The following RPTOR variants were observed in gnomAD, a reference collection of about 807,000 sequenced individuals.
The protein encoded by RPTOR is regulatory associated protein of MTOR complex 1, also known as regulatory-associated protein of mTOR.
In RPTOR, 21 loss-of-function variants were observed where a neutral mutation model predicts 169.9. The ratio of observed to expected loss-of-function variants is 0.12; its 90% confidence interval spans 0.09 to 0.18. The LOEUF is 0.18. RPTOR is among the 10% of genes least tolerant of loss of function. The pLI, the probability that RPTOR is intolerant of heterozygous loss-of-function variation, is 1.00. For synonymous variants in RPTOR, 732 were observed against 753.2 expected, an observed-to-expected ratio of 0.97 and a Z score of 0.46; for missense variants, 1,133 against 1,855.9, an observed-to-expected ratio of 0.61 and a Z score of 7.16.
chr17:80,855,404 G>A (rs373661693), intron 11 of RPTOR, 60 bp from the exon 12 acceptor site: 29 of 1,284,546 alleles, frequency 2.3e-5, no homozygotes, highest in African/African-American at 1.2e-4. Flanking sequence ...ATGCAGCAGC[G>A]TTTCGGGGTT....
intron 9 of RPTOR, among the ~76,000 whole-genome samples, chr17:80,830,346 CACTGCCACCAAAACATTATGTCA>C (rs1445740690): frequency 6.6e-6 from 1 of 152,230 alleles, no homozygotes; most frequent in Non-Finnish European, 1.5e-5. Context: ...CCTCTCCTCT[CACTGCCACCAAAACATTATGTCA>C]AAAAATGGGG....
intron 1 of RPTOR, among the ~76,000 whole-genome samples, chr17:80,608,046 T>C (rs541340944): frequency 6.6e-6 from 1 of 152,330 alleles, no homozygotes; most frequent in East Asian, 1.9e-4. Context: ...GTATTGCTAA[T>C]GTTGGGTTTC....
At chr17:80,958,205 C>CA (rs1166886395) in intron 29 of RPTOR, among the ~76,000 whole-genome samples, 2 of 139,486 alleles carry the variant, frequency 1.4e-5, no homozygotes, top group Admixed American at 7.0e-5. Flanking sequence ...TCACCCCCCC[C>CA]CCCCACCACC....
At chr17:80,566,801 G>A (rs1236266181) in intron 1 of RPTOR, among the ~76,000 whole-genome samples, 1 of 121,798 alleles carries the variant, frequency 8.2e-6, no homozygotes, top group African/African-American at 3.2e-5. Context: ...TCCAGCGTGG[G>A]CGACAGAGCG....
intron 2 of RPTOR, among the ~76,000 whole-genome samples, chr17:80,634,826 G>GTGTGTGCATAC: frequency 1.5e-5 from 2 of 137,604 alleles, no homozygotes; most frequent in African/African-American, 2.8e-5. Context: ...TGTGCATACT[G>GTGTGTGCATAC]TGTGTGTGTG....
chr17:80,876,842 G>A (rs1368884840), intron 13 of RPTOR, among the ~76,000 whole-genome samples: 1 of 122,256 alleles, frequency 8.2e-6, no homozygotes, highest in African/African-American at 3.2e-5. Context: ...CACCGAGCCC[G>A]TGCCACACAG....
chr17:80,712,348 C>T (rs909058603), intron 4 of RPTOR, among the ~76,000 whole-genome samples: 8 of 152,176 alleles, frequency 5.3e-5, no homozygotes, highest in Admixed American at 3.3e-4. Flanking sequence ...TTCAAGTCCT[C>T]TGTGCGCCCC....
intron 1 of RPTOR, among the ~76,000 whole-genome samples, chr17:80,569,234 T>C (rs1175731964): frequency 2.0e-5 from 3 of 152,184 alleles, no homozygotes; most frequent in Non-Finnish European, 4.4e-5. Flanking sequence ...ATGCTGGACA[T>C]AGGGAGTGTT....
intron 5 of RPTOR, among the ~76,000 whole-genome samples, chr17:80,733,872 T>A (rs148117611): frequency 6.6e-6 from 1 of 152,280 alleles, no homozygotes; most frequent in Non-Finnish European, 1.5e-5. Flanking sequence ...AATATCCTTA[T>A]GCTTTTATTT....
At chr17:80,740,374 C>T (rs1379487496) in intron 5 of RPTOR, among the ~76,000 whole-genome samples, 2 of 152,176 alleles carry the variant, frequency 1.3e-5, no homozygotes, top group African/African-American at 4.8e-5. Flanking sequence ...TTTGTACAAG[C>T]TCTTCCAGAA....
At chr17:80,945,399 T>A (rs1245212471) in intron 25 of RPTOR, among the ~76,000 whole-genome samples, 2 of 152,104 alleles carry the variant, frequency 1.3e-5, no homozygotes, top group Non-Finnish European at 2.9e-5. Context: ...AAGACCATCC[T>A]GTCTAACACG....
chr17:80,590,926 G>A (rs1466256785), intron 1 of RPTOR, among the ~76,000 whole-genome samples: 4 of 151,700 alleles, frequency 2.6e-5, no homozygotes, highest in African/African-American at 9.7e-5. Flanking sequence ...TTTTCTCTGT[G>A]GAATGATTTT....
chr17:80,700,601 GTGA>G (rs1205254582), intron 3 of RPTOR, among the ~76,000 whole-genome samples: 2 of 147,276 alleles, frequency 1.4e-5, no homozygotes, highest in Non-Finnish European at 3.0e-5. Context: ...GGTGGTGATG[GTGA>G]TGATGGTGAT....
chr17:80,788,895 G>A (rs933314666), intron 6 of RPTOR, among the ~76,000 whole-genome samples: 17 of 152,344 alleles, frequency 1.1e-4, no homozygotes, highest in African/African-American at 3.8e-4. Context: ...ACACTCTGAT[G>A]TAGGTGAATG....
intron 3 of RPTOR, among the ~76,000 whole-genome samples, chr17:80,650,905 A>G (rs886736016): frequency 2.6e-5 from 4 of 152,182 alleles, no homozygotes; most frequent in Non-Finnish European, 5.9e-5. Flanking sequence ...CTTGAAGTGT[A>G]ATACTTTTAG....
rs2066336558 is a variant in RPTOR, at chr17:80,726,532, A to C, written c.508-4028A>C. Among the ~76,000 whole-genome samples, 1 of 152,236 alleles carries C rather than the reference A, an allele frequency of 6.6e-6. No homozygotes were observed. Among genetic ancestry groups the C allele is most frequent in the East Asian group, 1.9e-4 (1 of 5,198 alleles). ...AAATGTGGAAAATAGATTTCAGCTCAAAAAGCAAGACCTGAGAACATGGTG... is the reference window on the plus strand; with the variant it reads ...AAATGTGGAAAATAGATTTCAGCTCCAAAAGCAAGACCTGAGAACATGGTG... On this transcript the variant is annotated intron_variant, in intron 4 of 33. Coordinates refer to ENST00000306801, the MANE Select transcript of RPTOR (RefSeq NM_020761.3). This position sits in a 1 kb window ranked among gnomAD's most constrained non-coding sequence, Gnocchi z 4.5.
chr17:80,914,984 C>T (rs2068655731), intron 21 of RPTOR, among the ~76,000 whole-genome samples: 1 of 152,236 alleles, frequency 6.6e-6, no homozygotes. Context: ...GCACATACTT[C>T]CTCCCCTTTG....
chr17:80,692,391 G>A (rs7210372), intron 3 of RPTOR, among the ~76,000 whole-genome samples: 61,749 of 151,940 alleles, frequency 0.41, 13,082 homozygotes, highest in East Asian at 0.55. Flanking sequence ...GCATGATCTC[G>A]GCTCACCGCA....
intron 4 of RPTOR, among the ~76,000 whole-genome samples, chr17:80,713,238 T>G (rs1056588927): frequency 6.6e-6 from 1 of 152,106 alleles, no homozygotes; most frequent in Non-Finnish European, 1.5e-5. Context: ...CCGGCTAATT[T>G]TGTATTTTTT....
Sources: allele counts gnomAD v4.1 joint callset (sites outside exome capture counted in the v4.1 genomes callset), GRCh38; gene constraint gnomAD v4.1.1; non-coding constraint Gnocchi (gnomAD v3.1); transcripts MANE v1.5; gene names NCBI Gene and HGNC (gene_info 2026-07-23, HGNC 2026-07-21).